The following RAB3GAP2 variants were observed in gnomAD, a reference collection of about 807,000 sequenced individuals.
The protein encoded by RAB3GAP2 is RAB3 GTPase activating non-catalytic protein subunit 2.
In RAB3GAP2, 87 loss-of-function variants were observed where a neutral mutation model predicts 185.3. The observed-to-expected ratio is 0.47, with a 90% CI of 0.39 to 0.56. The LOEUF (loss-of-function observed/expected upper bound fraction) is 0.56, where lower values mean the gene tolerates loss of function less well. Among genes scored for constraint, RAB3GAP2 ranks in the 20% least tolerant of loss-of-function variants. RAB3GAP2 has a pLI of 0.00. For missense variants in RAB3GAP2, 1,492 were observed against 1,638.2 expected (o/e 0.91, Z 1.54); for synonymous variants, 554 against 576.1 (o/e 0.96, Z 0.55).
At chr1:220,195,642 T>C (rs1260047036) in intron 10 of RAB3GAP2, among the ~76,000 whole-genome samples, 1 of 152,206 alleles carries the variant, frequency 6.6e-6, no homozygotes, top group Admixed American at 6.5e-5. Context: ...TCAAATAAAT[T>C]TTAAACTAGG....
At chr1:220,206,096 T>A in intron 7 of RAB3GAP2, 90 bp from the exon 8 acceptor site, 1 of 834,744 alleles carries the variant, frequency 1.2e-6, no homozygotes, top group South Asian at 1.6e-5. Flanking sequence ...TAATGTAACA[T>A]AACCACCCAA....
chr1:220,202,761 G>A (rs1010576755), intron 8 of RAB3GAP2, among the ~76,000 whole-genome samples: 7 of 152,096 alleles, frequency 4.6e-5, no homozygotes, highest in Non-Finnish European at 1.0e-4. Flanking sequence ...TGGCCAACAT[G>A]GTGAAACCCC....
chr1:220,206,075 A>C (rs1210938379), intron 7 of RAB3GAP2, 69 bp from the exon 8 acceptor site: 7 of 983,590 alleles, frequency 7.1e-6, no homozygotes, highest in Non-Finnish European at 1.1e-5. Flanking sequence ...TATTATACTG[A>C]ATTTCACGAA....
At chr1:220,263,625 A>C (rs1244117032) in intron 1 of RAB3GAP2, among the ~76,000 whole-genome samples, 2 of 152,062 alleles carry the variant, frequency 1.3e-5, no homozygotes, top group African/African-American at 4.8e-5. Context: ...CTTATCAGCT[A>C]TCTATTCCAT....
At chr1:220,266,773 G>A in intron 1 of RAB3GAP2, 1 of 1,593,322 alleles carries the variant, frequency 6.3e-7, no homozygotes, top group Non-Finnish European at 8.6e-7. Context: ...CTGTGATCCA[G>A]GGGTATTCAA....
rs983683009 is a variant in RAB3GAP2 at position 220,200,784 on chromosome 1, T to A, written c.811+1492A>T. On this transcript the variant is annotated intron_variant, in intron 9 of 34. Transcript: ENST00000358951. The stretch of plus-strand genomic sequence containing the variant: ...AAGAGCTATGCAGTAAATAGAAAGA[T>A]GGCCTGTGTGTCAGATATCCTTAGC... The A allele has an allele frequency of 3.6e-4, 133 of 374,018 alleles. 1 individual carries two copies. Among genetic ancestry groups the A allele is most frequent in the South Asian group, 2.6e-3 (125 of 47,294 alleles). 23.2% of individuals were successfully genotyped at this position (374,018 alleles called of 1,614,324 possible). A position where few individuals can be genotyped will look rare whatever the true frequency, so the allele number is the denominator to read the frequency against.
At chr1:220,253,264 T>A (rs1266957717) in intron 1 of RAB3GAP2, among the ~76,000 whole-genome samples, 1 of 152,060 alleles carries the variant, frequency 6.6e-6, no homozygotes. Context: ...CAGCAACAGG[T>A]CAGTACTCCA....
chr1:220,257,699 T>C (rs190115937), intron 1 of RAB3GAP2, among the ~76,000 whole-genome samples: 1 of 152,054 alleles, frequency 6.6e-6, no homozygotes, highest in East Asian at 1.9e-4. Context: ...ACCCCAAAGC[T>C]TGCAGAAGAC....
At chr1:220,210,282 G>A in intron 7 of RAB3GAP2, 106 bp downstream of exon 7, 1 of 844,712 alleles carries the variant, frequency 1.2e-6, no homozygotes, top group Non-Finnish European at 2.1e-6. Flanking sequence ...CTAACTAACT[G>A]TGCCACAAGA....
rs762403684 is a variant in RAB3GAP2 at position 220,184,121 on chromosome 1, T to C, written c.1913A>G (p.Asn638Ser). The C allele has an allele frequency of 3.7e-6, 6 of 1,610,872 alleles. No homozygotes were observed. Among genetic ancestry groups the C allele is most frequent in the South Asian group, 1.1e-5 (1 of 90,978 alleles). ...ATAGAGTTGCAGCAGTTTTAGTTTATTGGCACAAAACTGTAGCAATCCTTC... is the reference window on the plus strand; with the variant it reads ...ATAGAGTTGCAGCAGTTTTAGTTTACTGGCACAAAACTGTAGCAATCCTTC... ...VDEGLLQFCA[N>S]KLKLLQLYES... Residue 638 changes from asparagine (N) to serine (S), a missense_variant, in exon 19 of 35, where the codon AAT becomes AGT. Around this residue, in one of 5 missense-constraint regions of RAB3GAP2, gnomAD observed 681 missense variants for 689.1 expected, o/e 0.99. Coordinates refer to ENST00000358951, the MANE Select transcript of RAB3GAP2 (RefSeq NM_012414.4).
rs569419056 is a variant in RAB3GAP2 at position 220,239,609 on chromosome 1, A to T, written c.116-6746T>A. 2.8e-3 allele frequency among the ~76,000 whole-genome samples: 430 copies of T among 152,294 alleles called. 3 individuals carry two copies. The highest frequency in any genetic ancestry group is 9.9e-3 in the African/African-American group (411 of 41,558). ...ATCCCATTTTAATTAGTGAGAAAAA[A>T]TAATTAAAAAGCACAATTTCTTAGC... On this transcript the variant is annotated intron_variant, in intron 1 of 34. Transcript: ENST00000358951.
At chr1:220,169,917 G>A (rs1658142376) in intron 24 of RAB3GAP2, among the ~76,000 whole-genome samples, 1 of 152,178 alleles carries the variant, frequency 6.6e-6, no homozygotes, top group African/African-American at 2.4e-5. Context: ...TCCCATTACT[G>A]GGTATATACC....
At chr1:220,235,384 T>C (rs1659572493) in intron 1 of RAB3GAP2, among the ~76,000 whole-genome samples, 2 of 152,362 alleles carry the variant, frequency 1.3e-5, no homozygotes, top group South Asian at 4.1e-4. Flanking sequence ...TTTCAGAATA[T>C]GTATTATCTC....
At chr1:220,169,320 A>T (rs913102998) in intron 24 of RAB3GAP2, among the ~76,000 whole-genome samples, 26 of 152,338 alleles carry the variant, frequency 1.7e-4, no homozygotes, top group African/African-American at 5.3e-4. Context: ...AAAATGTAAG[A>T]TGTTTATGTT....
chr1:220,251,394 T>A (rs917437823), intron 1 of RAB3GAP2, among the ~76,000 whole-genome samples: 8 of 152,140 alleles, frequency 5.3e-5, no homozygotes, highest in Admixed American at 5.2e-4. Flanking sequence ...TATAAATATT[T>A]GCAAAATATA....
chr1:220,241,316 T>A (rs1659693474), intron 1 of RAB3GAP2, among the ~76,000 whole-genome samples: 2 of 152,090 alleles, frequency 1.3e-5, no homozygotes, highest in Non-Finnish European at 2.9e-5. Flanking sequence ...AATATGAGTA[T>A]GTCAAGTTCA....
intron 9 of RAB3GAP2, among the ~76,000 whole-genome samples, chr1:220,199,671 A>C (rs79117212): frequency 0.07 from 10,661 of 152,164 alleles, 503 homozygotes; most frequent in South Asian, 0.14. Context: ...TCTTTATTTG[A>C]CTACCTTAAA....
chr1:220,229,314 C>A (rs909913844), intron 2 of RAB3GAP2, among the ~76,000 whole-genome samples: 1 of 152,182 alleles, frequency 6.6e-6, no homozygotes. Context: ...ATCTATTCCA[C>A]AGAGCAGCCA....
intron 1 of RAB3GAP2, among the ~76,000 whole-genome samples, chr1:220,237,725 C>T (rs1659619977): frequency 6.6e-6 from 1 of 152,060 alleles, no homozygotes; most frequent in Admixed American, 6.5e-5. Context: ...TAATTTAATC[C>T]TAAATATTGT....
Sources: allele counts gnomAD v4.1 joint callset (sites outside exome capture counted in the v4.1 genomes callset), GRCh38; gene constraint gnomAD v4.1.1; regional missense constraint gnomAD v4.1.1; transcripts MANE v1.5; gene names NCBI Gene and HGNC (gene_info 2026-07-23, HGNC 2026-07-21).